AXIN2: variants seen among roughly 807,000 people sequenced by gnomAD.
AXIN2 encodes axin 2, also known as axin-2.
AXIN2 carries 21 observed loss-of-function variants against 74.7 expected under a neutral mutation model. The ratio of observed to expected loss-of-function variants is 0.28; its 90% CI spans 0.20 to 0.40. The LOEUF (loss-of-function observed/expected upper bound fraction) is 0.40, where lower values mean the gene tolerates loss of function less well. AXIN2 is among the 10% of genes least tolerant of loss of function. The probability of loss-of-function intolerance (pLI) is 1.00; values close to 1 mark genes in which losing one functional copy is unlikely to be tolerated. For missense variants in AXIN2, 1,144 were observed against 1,111.1 expected (o/e 1.03, Z -0.42); for synonymous variants, 532 against 454.9 (o/e 1.17, Z -2.16).
At chr17:65,531,194 TAAAAAA>T (rs5821590) in intron 10 of AXIN2, among the ~76,000 whole-genome samples, 1 of 149,362 alleles carries the variant, frequency 6.7e-6, no homozygotes, top group Non-Finnish European at 1.5e-5. Context: ...CTTTTCCCTT[TAAAAAA>T]AAAAAAATTA....
At chr17:65,540,022 C>G (rs2044017158) in intron 4 of AXIN2, among the ~76,000 whole-genome samples, 1 of 152,216 alleles carries the variant, frequency 6.6e-6, no homozygotes, top group Admixed American at 6.5e-5. Flanking sequence ...ATCCTCACTT[C>G]TAAACACTTC....
At chr17:65,540,375 T>C (rs768421947) in intron 4 of AXIN2, among the ~76,000 whole-genome samples, 17 of 152,172 alleles carry the variant, frequency 1.1e-4, no homozygotes, top group Non-Finnish European at 2.2e-4. Flanking sequence ...CTCCCTCCCA[T>C]CAGAGGGCTT....
At chr17:65,561,159 C>G (rs867797214) in intron 1 of AXIN2, 7 of 150,124 alleles carry the variant, frequency 4.7e-5, no homozygotes, top group African/African-American at 1.7e-4. Context: ...GTCCTCCGGG[C>G]GCTTCCAACA....
At chr17:65,536,110 C>A (rs562005811) in intron 8 of AXIN2, among the ~76,000 whole-genome samples, 1 of 152,326 alleles carries the variant, frequency 6.6e-6, no homozygotes, top group East Asian at 1.9e-4. Flanking sequence ...CCTCACAGAT[C>A]CTGGCTTAAC....
intron 1 of AXIN2, 116 bp from the exon 2 acceptor site, chr17:65,558,852 T>C: frequency 1.7e-6 from 1 of 582,742 alleles, no homozygotes; most frequent in Non-Finnish European, 3.0e-6. Context: ...ACTCCTCAAA[T>C]TCAAATCAAG....
At position 65,558,750 on chromosome 17, in the gene AXIN2, G is replaced by A. The variant is rs1368008690; in HGVS notation, c.-116-14C>T. ...TGAACCTCCTCTCTGGAAAGAAAAGGAAGGGGGGAGGTGGGGAGAGAGAAA... is the reference window on the plus strand; with the variant it reads ...TGAACCTCCTCTCTGGAAAGAAAAGAAAGGGGGGAGGTGGGGAGAGAGAAA... On this transcript the variant is annotated splice_polypyrimidine_tract_variant and intron_variant, in intron 1 of 10. Transcript: ENST00000307078. The A allele has an allele frequency of 5.3e-6, 5 of 941,362 alleles. No individual in the cohort carries two copies. Among genetic ancestry groups the A allele is most frequent in the South Asian group, 1.4e-5 (1 of 71,032 alleles). The allele number at this position is 941,362 out of a possible 1,614,324, so 58.3% of individuals were successfully genotyped here.
intron 2 of AXIN2, among the ~76,000 whole-genome samples, chr17:65,553,855 GGGGGA>G (rs2144561869): frequency 6.7e-6 from 1 of 148,534 alleles, no homozygotes; most frequent in African/African-American, 2.4e-5. Flanking sequence ...GGCGGGGGGG[GGGGGA>G]GGAAACTCAA....
rs1001004789 is a variant in AXIN2, at chr17:65,554,636, G to A, written c.815+3170C>T. Among the ~76,000 whole-genome samples the A allele has an allele frequency of 5.3e-5, 8 of 152,156 alleles. No individual in the cohort carries two copies. In the East Asian group the frequency reaches 7.7e-4, roughly 15 times the overall value. ...GATTCCAATGGCTCCGCACAAAAACGGGCCTCATCAGCGAGTTCTTTCAGA... is the reference window on the plus strand; with the variant it reads ...GATTCCAATGGCTCCGCACAAAAACAGGCCTCATCAGCGAGTTCTTTCAGA... On this transcript the variant is annotated intron_variant, in intron 2 of 10. Transcript: ENST00000307078.
In AXIN2 at chr17:65,537,849, C is replaced by T. The variant is rs2043964058; in HGVS notation, c.1201-14G>A. The T allele has an allele frequency of 3.9e-6, 6 of 1,535,110 alleles. No individual in the cohort carries two copies. The highest frequency in any genetic ancestry group is 4.1e-5 in the Admixed American group (2 of 48,972). On this transcript the variant is annotated splice_polypyrimidine_tract_variant and intron_variant, in intron 5 of 10. Transcript: ENST00000307078. The stretch of plus-strand genomic sequence containing the variant: ...TCTCTCTTCATCCTGAAAGGGAAGA[C>T]GTCAGAAGGAGAAGTGACCCAGGAA...
rs767103313 is a variant in AXIN2 at position 65,549,594 on chromosome 17, G to A, written c.882C>T (p.Ala294=). The change falls in exon 3 of 11, where the codon GCC becomes GCT. Residue 294 remains alanine, a synonymous_variant. Coordinates refer to ENST00000307078, the MANE Select transcript of AXIN2 (RefSeq NM_004655.4). ...HIGSGYVFAP[A]TSANDSEISS... Reference sequence around the variant, plus strand: ...ATATCTCACTGTCGTTGGCGCTGGTGGCTGGTGCAAAGACATAGCCAGAAC... The same window carrying A: ...ATATCTCACTGTCGTTGGCGCTGGTAGCTGGTGCAAAGACATAGCCAGAAC... 3.1e-6 allele frequency: 5 copies of A among 1,607,578 alleles called. No homozygotes were observed. The highest frequency in any genetic ancestry group is 1.3e-5 in the African/African-American group (1 of 74,954).
At chr17:65,554,626 G>A (rs535065392) in intron 2 of AXIN2, among the ~76,000 whole-genome samples, 37 of 152,248 alleles carry the variant, frequency 2.4e-4, no homozygotes, top group Middle Eastern at 3.4e-3. Context: ...CAATGGCTCC[G>A]CACAAAAACG....
At position 65,537,014 on chromosome 17, in the gene AXIN2, G is replaced by A. The variant is rs2144451205; in HGVS notation, c.1762C>T (p.Pro588Ser). 6.2e-7 allele frequency: 1 copy of A among 1,610,996 alleles called. No homozygotes were observed. The change falls in exon 7 of 11, where the codon CCG becomes TCG. Residue 588 changes from proline (P) to serine (S), a missense_variant. By Grantham distance (74) the Pro-to-Ser change is moderately conservative (BLOSUM62 -1). Around this residue, in one of 4 missense-constraint regions of AXIN2, gnomAD observed 1,053 missense variants for 973.5 expected, o/e 1.08. Coordinates refer to ENST00000307078, the MANE Select transcript of AXIN2 (RefSeq NM_004655.4). Reference protein sequence around the residue: ...LPKRNGKGTEPGLALPAREGG... With the variant: ...LPKRNGKGTESGLALPAREGG... ...TCCCTGGCGGGCAGGGCCAGGCCCG[G>A]CTCCGTGCCTTTCCCATTGCGTTTG... is the stretch of plus-strand genomic sequence containing the variant.
intron 1 of AXIN2, chr17:65,560,701 G>C (rs1025881112): frequency 6.6e-6 from 1 of 151,788 alleles, no homozygotes; most frequent in Non-Finnish European, 1.5e-5. Context: ...TGGGCGCCGG[G>C]TCCGCCGCTC....
chr17:65,561,351 G>GC (rs1376387930), intron 1 of AXIN2, 99 bp downstream of exon 1: 1 of 45,878 alleles, frequency 2.2e-5, no homozygotes, highest in Non-Finnish European at 4.3e-5. Flanking sequence ...GCCCCCTCCC[G>GC]CCCCCCGCGC....
At position 65,529,850 on chromosome 17, in the gene AXIN2, T is replaced by C; in HGVS notation, c.*126A>G. 1 of 1,552,988 alleles carries C rather than the reference T, an allele frequency of 6.4e-7. No individual in the cohort carries two copies. Among genetic ancestry groups the C allele is most frequent in the Non-Finnish European group, 8.8e-7 (1 of 1,138,666 alleles). ...TCCCGAAGGCCCACTGGCCGATTCTTCCTTAGACTTTGTCTTCTTCATTGG... is the reference window on the plus strand; with the variant it reads ...TCCCGAAGGCCCACTGGCCGATTCTCCCTTAGACTTTGTCTTCTTCATTGG... On this transcript the variant is annotated 3_prime_UTR_variant, in exon 11 of 11. Transcript: ENST00000307078.
chr17:65,541,582 C>G (rs1439037759), intron 3 of AXIN2, 25 bp from the exon 4 acceptor site: 3 of 1,590,268 alleles, frequency 1.9e-6, no homozygotes, highest in Non-Finnish European at 2.6e-6. Context: ...AAGACAGAAT[C>G]CACAGGCTTA....
chr17:65,533,951 C>G lies in AXIN2; in HGVS notation c.2366G>C (p.Gly789Ala), dbSNP rs1060502138. The G allele has an allele frequency of 6.8e-6, 11 of 1,614,046 alleles. No homozygotes were observed. Among genetic ancestry groups the G allele is most frequent in the Non-Finnish European group, 8.5e-6 (10 of 1,180,026 alleles). Reference protein sequence around the residue: ...RMLKAQSLTLGHFKEQLSKKG... With the variant: ...RMLKAQSLTLAHFKEQLSKKG... ...TTTGCTGAGCTGCTCTTTAAAGTGG[C>G]CCAGGGTCAAGCTCTGAGCCTTCAG... Residue 789 changes from glycine to alanine, a missense_variant, in exon 10 of 11, where the codon GGC (glycine) becomes GCC (alanine). By Grantham distance (60) the Gly-to-Ala change is moderately conservative. Around this residue, in one of 4 missense-constraint regions of AXIN2, gnomAD observed 65 missense variants for 95.7 expected, o/e 0.68. Coordinates refer to ENST00000307078, the MANE Select transcript of AXIN2 (RefSeq NM_004655.4).
chr17:65,529,817 C>A lies in AXIN2; in HGVS notation c.*159G>T. On this transcript the variant is annotated 3_prime_UTR_variant, in exon 11 of 11. Coordinates refer to ENST00000307078, the MANE Select transcript of AXIN2 (RefSeq NM_004655.4). ...TCATGAATCATGAAAATCAACCTCC[C>A]CCCGCCCTCCCGAAGGCCCACTGGC... 8.4e-7 allele frequency: 1 copy of A among 1,183,766 alleles called. No individual in the cohort carries two copies. Among genetic ancestry groups the A allele is most frequent in the South Asian group, 1.3e-5 (1 of 75,324 alleles). 73.3% of individuals were successfully genotyped at this position (1,183,766 alleles called of 1,614,324 possible).
intron 10 of AXIN2, among the ~76,000 whole-genome samples, chr17:65,530,420 C>A (rs956922187): frequency 6.6e-6 from 1 of 152,196 alleles, no homozygotes; most frequent in Non-Finnish European, 1.5e-5. Context: ...GCTTTCCCCC[C>A]GCCAACCTTT....
Sources: allele counts gnomAD v4.1 joint callset (sites outside exome capture counted in the v4.1 genomes callset), GRCh38; gene constraint gnomAD v4.1.1; regional missense constraint gnomAD v4.1.1; transcripts MANE v1.5; gene names NCBI Gene and HGNC (gene_info 2026-07-23, HGNC 2026-07-21).